EPHB2: variants seen among roughly 807,000 people sequenced by gnomAD.
EPHB2 encodes EPH receptor B2.
A neutral mutation model predicts 96.4 loss-of-function variants in EPHB2; 18 were observed. The ratio of observed to expected loss-of-function variants is 0.19; its 90% confidence interval spans 0.13 to 0.28. The LOEUF is 0.28. EPHB2 is among the 10% of genes least tolerant of loss of function. The pLI, the probability that EPHB2 is intolerant of heterozygous loss-of-function variation, is 1.00. For synonymous variants in EPHB2, 506 were observed against 534.1 expected, an observed-to-expected ratio of 0.95 and a Z score of 0.72; for missense variants, 989 against 1,355.4, an observed-to-expected ratio of 0.73 and a Z score of 4.25.
At chr1:22,802,833 A>G (rs1276320671) in intron 3 of EPHB2, among the ~76,000 whole-genome samples, 1 of 152,154 alleles carries the variant, frequency 6.6e-6, no homozygotes, top group Non-Finnish European at 1.5e-5. Flanking sequence ...GCCCCTCTAG[A>G]AATGTGTCAG....
intron 1 of EPHB2, among the ~76,000 whole-genome samples, chr1:22,763,429 C>T (rs952200596): frequency 6.6e-5 from 10 of 152,106 alleles, no homozygotes; most frequent in Non-Finnish European, 1.0e-4. Flanking sequence ...TCACACAGGA[C>T]CAGCACCTGC....
rs1356913092 is a variant in EPHB2 at position 22,915,363 on chromosome 1, T to G, written c.*1793T>G. The G allele has an allele frequency of 1.3e-5, 2 of 152,238 alleles. No individual in the cohort carries two copies. The highest frequency in any genetic ancestry group is 2.9e-5 in the Non-Finnish European group (2 of 68,050). 9.4% of individuals were successfully genotyped at this position (152,238 alleles called of 1,614,324 possible). A position where few individuals can be genotyped will look rare whatever the true frequency, so the allele number is the denominator to read the frequency against. ...TCTCTGTAAGTTCCAAGGGAGACCT[T>G]GGTACCCTTGGGATGCACGTGACCC... On this transcript the variant is annotated 3_prime_UTR_variant, in exon 16 of 16. Coordinates refer to ENST00000374630, the MANE Select transcript of EPHB2 (RefSeq NM_017449.5).
At chr1:22,769,461 CA>C (rs1279149616) in intron 1 of EPHB2, among the ~76,000 whole-genome samples, 2 of 152,184 alleles carry the variant, frequency 1.3e-5, no homozygotes, top group Non-Finnish European at 2.9e-5. Flanking sequence ...GGCTGGAATG[CA>C]GTGGTGAGAT....
At chr1:22,912,801 G>A in intron 15 of EPHB2, 3 of 703,556 alleles carry the variant, frequency 4.3e-6, no homozygotes, top group South Asian at 3.2e-5. Context: ...TGTGACCTTG[G>A]TCAAATCATA....
chr1:22,823,086 C>G (rs1645174831), intron 3 of EPHB2, among the ~76,000 whole-genome samples: 1 of 152,202 alleles, frequency 6.6e-6, no homozygotes, highest in Non-Finnish European at 1.5e-5. Context: ...AAGAGCCAGA[C>G]AGGAGACCTG....
At position 22,909,007 on chromosome 1, in the gene EPHB2, CTT is replaced by C; in HGVS notation, c.2353-13_2353-12del. 6.2e-7 allele frequency: 1 copy of C among 1,614,186 alleles called. No individual in the cohort carries two copies. Among genetic ancestry groups the C allele is most frequent in the Non-Finnish European group, 8.5e-7 (1 of 1,180,016 alleles). On this transcript the variant is annotated splice_polypyrimidine_tract_variant and intron_variant, in intron 12 of 15. Coordinates refer to ENST00000374630, the MANE Select transcript of EPHB2 (RefSeq NM_017449.5). ...CAGCCTCCCACCCACAAACCCTCCT[CTT>C]TCTGTCTCCCAGGGCGGAAAGATCC...
chr1:22,793,214 T>G (rs543336215), intron 3 of EPHB2, among the ~76,000 whole-genome samples: 1 of 152,270 alleles, frequency 6.6e-6, no homozygotes, highest in Non-Finnish European at 1.5e-5. Flanking sequence ...TCAGAACAGC[T>G]CATTCATTTT....
chr1:22,910,688 G>A (rs902607624), intron 14 of EPHB2, 113 bp downstream of exon 14: 1 of 1,366,576 alleles, frequency 7.3e-7, no homozygotes. Context: ...TTGGGATGGG[G>A]AAGGACAGGA....
intron 4 of EPHB2, among the ~76,000 whole-genome samples, chr1:22,864,324 G>A (rs1215051136): frequency 1.3e-5 from 2 of 152,198 alleles, no homozygotes; most frequent in African/African-American, 2.4e-5. Flanking sequence ...GGGATTACAG[G>A]TGTTAGCCAC....
intron 3 of EPHB2, chr1:22,835,830 G>A (rs1052363589): frequency 6.6e-6 from 1 of 152,232 alleles, no homozygotes; most frequent in Non-Finnish European, 1.5e-5. Context: ...CGTAGCCAGC[G>A]GGTGCCCAGG....
At chr1:22,762,653 T>C (rs930649338) in intron 1 of EPHB2, among the ~76,000 whole-genome samples, 3 of 152,224 alleles carry the variant, frequency 2.0e-5, no homozygotes, top group African/African-American at 7.2e-5. Context: ...GAAATGAGGA[T>C]GATTTAGGAG....
chr1:22,845,694 TTC>T (rs998888415), intron 3 of EPHB2, among the ~76,000 whole-genome samples: 3 of 151,886 alleles, frequency 2.0e-5, no homozygotes, highest in African/African-American at 7.3e-5. Context: ...TCTGCTTTGA[TTC>T]TCTCTCTCTC....
At chr1:22,755,990 A>G (rs1285728919) in intron 1 of EPHB2, among the ~76,000 whole-genome samples, 5 of 152,050 alleles carry the variant, frequency 3.3e-5, no homozygotes, top group Non-Finnish European at 5.9e-5. Context: ...GGGTCCCATC[A>G]TTGTGGGGAT....
chr1:22,803,212 C>T (rs532509084), intron 3 of EPHB2, among the ~76,000 whole-genome samples: 1 of 152,230 alleles, frequency 6.6e-6, no homozygotes, highest in African/African-American at 2.4e-5. Context: ...CTGCCTGGGC[C>T]GGGCAGGACT....
intron 1 of EPHB2, among the ~76,000 whole-genome samples, chr1:22,775,903 AC>A (rs2148412152): frequency 6.6e-6 from 1 of 152,320 alleles, no homozygotes; most frequent in Non-Finnish European, 1.5e-5. Context: ...TTAAATGGGC[AC>A]TAAGAGCAGC....
At chr1:22,795,465 C>T (rs1208456399) in intron 3 of EPHB2, among the ~76,000 whole-genome samples, 2 of 11,870 alleles carry the variant, frequency 1.7e-4, no homozygotes. Flanking sequence ...AACTGGTTTC[C>T]GTTTTGTTTT....
At chr1:22,795,667 G>A (rs189808679) in intron 3 of EPHB2, among the ~76,000 whole-genome samples, 136 of 152,268 alleles carry the variant, frequency 8.9e-4, no homozygotes, top group African/African-American at 3.0e-3. Flanking sequence ...CCACATGAGA[G>A]AAGCATGGCA....
chr1:22,748,377 CTT>C (rs372352422), intron 1 of EPHB2, among the ~76,000 whole-genome samples: 31 of 143,172 alleles, frequency 2.2e-4, no homozygotes, highest in East Asian at 1.0e-3. Context: ...TTTCTGGGTC[CTT>C]TTTTTTTTTT....
At chr1:22,780,950 A>G (rs1644520724) in intron 1 of EPHB2, among the ~76,000 whole-genome samples, 1 of 152,152 alleles carries the variant, frequency 6.6e-6, no homozygotes, top group Admixed American at 6.5e-5. Context: ...AACCGAGGGC[A>G]GTCTGGAGAG....
Sources: allele counts gnomAD v4.1 joint callset (sites outside exome capture counted in the v4.1 genomes callset), GRCh38; gene constraint gnomAD v4.1.1; transcripts MANE v1.5; gene names NCBI Gene and HGNC (gene_info 2026-07-23, HGNC 2026-07-21).